The following ARHGAP20 variants were observed in gnomAD, a reference collection of about 807,000 sequenced individuals.
ARHGAP20 encodes the protein rho GTPase-activating protein 20.
Under a neutral mutation model 73.7 loss-of-function variants are expected in ARHGAP20, and 34 were observed. The observed-to-expected ratio is 0.46, with a 90% CI of 0.35 to 0.61. ARHGAP20 has a LOEUF of 0.61. ARHGAP20 is among the 20% of genes least tolerant of loss of function. The pLI, the probability that ARHGAP20 is intolerant of heterozygous loss-of-function variation, is 0.00. For synonymous variants in ARHGAP20, 523 were observed against 518.2 expected, an observed-to-expected ratio of 1.01 and a Z score of -0.13; for missense variants, 1,314 against 1,420.9, an observed-to-expected ratio of 0.92 and a Z score of 1.21.
At chr11:110,642,744 T>G (rs912930166) in intron 2 of ARHGAP20, among the ~76,000 whole-genome samples, 5 of 152,222 alleles carry the variant, frequency 3.3e-5, no homozygotes, top group African/African-American at 7.2e-5. Context: ...GCCTGTAGTT[T>G]TCTTTATTCA....
At chr11:110,658,852 G>C (rs1218665009) in intron 2 of ARHGAP20, among the ~76,000 whole-genome samples, 1 of 152,060 alleles carries the variant, frequency 6.6e-6, no homozygotes, top group Non-Finnish European at 1.5e-5. Context: ...TCCTAAAAAG[G>C]CTTGGAAATT....
chr11:110,659,046 A>G, intron 2 of ARHGAP20, among the ~76,000 whole-genome samples: 1 of 151,534 alleles, frequency 6.6e-6, no homozygotes, highest in Admixed American at 6.6e-5. Flanking sequence ...TTATAGCAGC[A>G]TGATTTATAG....
intron 2 of ARHGAP20, among the ~76,000 whole-genome samples, chr11:110,641,969 G>A (rs1464826763): frequency 6.6e-6 from 1 of 151,976 alleles, no homozygotes; most frequent in Non-Finnish European, 1.5e-5. Flanking sequence ...TTTGTTTATG[G>A]ATTCAACAAT....
chr11:110,707,321 A>G (rs191498552), intron 1 of ARHGAP20, among the ~76,000 whole-genome samples: 1 of 152,306 alleles, frequency 6.6e-6, no homozygotes, highest in East Asian at 1.9e-4. Flanking sequence ...CATTAAAACT[A>G]TTCCGTGAAA....
intron 9 of ARHGAP20, among the ~76,000 whole-genome samples, chr11:110,599,188 A>G (rs1948048843): frequency 6.6e-6 from 1 of 152,074 alleles, no homozygotes; most frequent in African/African-American, 2.4e-5. Flanking sequence ...AGACATAGAC[A>G]TTTCTGTACT....
rs760808520 is a variant in ARHGAP20, at chr11:110,606,736, T to C, written c.789A>G (p.Pro263=). ...GAAGATGGCTCATTTTAATTCCATATGGATATTCATGCCCTACACAGAGAC... is the reference window on the plus strand; with the variant it reads ...GAAGATGGCTCATTTTAATTCCATACGGATATTCATGCCCTACACAGAGAC... ...APYPLIGHEY[P]YGIKMSHLRD... Residue 263 remains proline, a synonymous_variant, in exon 9 of 15, where the codon CCA becomes CCG. Coordinates refer to ENST00000683387, the MANE Select transcript of ARHGAP20 (RefSeq NM_001384657.1). 9.6e-6 allele frequency: 15 copies of C among 1,558,596 alleles called. No individual in the cohort carries two copies. Among genetic ancestry groups the C allele is most frequent in the Admixed American group, 2.0e-5 (1 of 49,004 alleles).
Position 110,704,413 on chromosome 11 carries a change from T to A in ARHGAP20, c.105+7714A>T, listed in dbSNP as rs561448691. 2.6e-5 allele frequency among the ~76,000 whole-genome samples: 4 copies of A among 152,276 alleles called. No homozygotes were observed. The East Asian group carries it at 7.7e-4, about 29-fold the overall frequency. ...AAAAACAAGTTTTACATTTCAGTTG[T>A]GTCATGTGACAGGTGTCTGTCAAAA... is the stretch of plus-strand genomic sequence containing the variant. On this transcript the variant is annotated intron_variant, in intron 1 of 14. Coordinates refer to ENST00000683387, the MANE Select transcript of ARHGAP20 (RefSeq NM_001384657.1).
chr11:110,691,553 C>A (rs1371255559), intron 1 of ARHGAP20, among the ~76,000 whole-genome samples: 1 of 152,284 alleles, frequency 6.6e-6, no homozygotes, highest in Admixed American at 6.5e-5. Flanking sequence ...CCATATAAAA[C>A]TAGGCAGCTC....
At chr11:110,697,391 T>C (rs1233467133) in intron 1 of ARHGAP20, among the ~76,000 whole-genome samples, 2 of 151,954 alleles carry the variant, frequency 1.3e-5, no homozygotes, top group South Asian at 2.1e-4. Flanking sequence ...TTTAGAAATA[T>C]CTGTTCATGT....
chr11:110,690,921 T>A, intron 1 of ARHGAP20: 1 of 1,274,532 alleles, frequency 7.8e-7, no homozygotes, highest in South Asian at 1.4e-5. Flanking sequence ...ATAACCATTA[T>A]TACTGGTTAT....
Position 110,579,368 on chromosome 11 carries a change from G to A in ARHGAP20, c.*2C>T, listed in dbSNP as rs1470527814. On this transcript the variant is annotated 3_prime_UTR_variant, in exon 15 of 15. Coordinates refer to ENST00000683387, the MANE Select transcript of ARHGAP20 (RefSeq NM_001384657.1). ...CTTGTGGACATCAGATTCTTACTAT[G>A]CTTAAATGTCTTTGGTTAAATACCT... The A allele has an allele frequency of 4.4e-6, 7 of 1,582,702 alleles. No individual in the cohort carries two copies. The highest frequency in any genetic ancestry group is 6.0e-6 in the Non-Finnish European group (7 of 1,158,106).
intron 2 of ARHGAP20, among the ~76,000 whole-genome samples, chr11:110,671,328 C>T (rs1949823651): frequency 6.6e-6 from 1 of 151,922 alleles, no homozygotes; most frequent in Non-Finnish European, 1.5e-5. Flanking sequence ...ACCTCACATA[C>T]TGGAATTAAA....
At chr11:110,594,864 C>T (rs1377501113) in intron 9 of ARHGAP20, among the ~76,000 whole-genome samples, 1 of 152,118 alleles carries the variant, frequency 6.6e-6, no homozygotes, top group Non-Finnish European at 1.5e-5. Flanking sequence ...AGACCAACAT[C>T]CTTGATAAAC....
intron 14 of ARHGAP20, among the ~76,000 whole-genome samples, 165 bp downstream of exon 14, chr11:110,582,156 C>T (rs1187833886): frequency 1.3e-5 from 2 of 152,192 alleles, no homozygotes; most frequent in East Asian, 1.9e-4. Context: ...GACCTATTGG[C>T]AGGCCATCTA....
intron 13 of ARHGAP20, among the ~76,000 whole-genome samples, chr11:110,583,313 C>A (rs1318689351): frequency 6.6e-6 from 1 of 152,108 alleles, no homozygotes; most frequent in Non-Finnish European, 1.5e-5. Flanking sequence ...GCTGCTTTAT[C>A]ACTTTATGGT....
At chr11:110,702,873 C>T (rs571772337) in intron 1 of ARHGAP20, among the ~76,000 whole-genome samples, 1 of 151,932 alleles carries the variant, frequency 6.6e-6, no homozygotes, top group Non-Finnish European at 1.5e-5. Flanking sequence ...CACTGCTCAA[C>T]GAAATAAAAG....
chr11:110,589,085 A>C (rs1947752723), intron 11 of ARHGAP20, among the ~76,000 whole-genome samples: 3 of 152,304 alleles, frequency 2.0e-5, no homozygotes, highest in Admixed American at 2.0e-4. Context: ...AAAACAAAAA[A>C]CAAAAAAACA....
chr11:110,615,542 T>C lies in ARHGAP20; in HGVS notation c.545+11A>G. The stretch of plus-strand genomic sequence containing the variant: ...GGTTAAAGATTAAAAATATGAATAC[T>C]GAAAAAATACCTCTGAAGGAGAGAG... On this transcript the variant is annotated intron_variant, in intron 5 of 14. Transcript: ENST00000683387. The C allele has an allele frequency of 6.2e-7, 1 of 1,607,134 alleles. No individual in the cohort carries two copies. Among genetic ancestry groups the C allele is most frequent in the Non-Finnish European group, 8.5e-7 (1 of 1,177,002 alleles).
At chr11:110,640,942 A>C (rs1476763245) in intron 2 of ARHGAP20, among the ~76,000 whole-genome samples, 3 of 152,120 alleles carry the variant, frequency 2.0e-5, no homozygotes, top group African/African-American at 7.2e-5. Flanking sequence ...CATAGTCTGA[A>C]TTATGACTTG....
Sources: gnomAD v4.1 joint callset for allele counts (sites outside exome capture counted in the v4.1 genomes callset) on GRCh38, gnomAD v4.1.1 for gene constraint, MANE v1.5 for transcripts, NCBI Gene and HGNC (gene_info 2026-07-23, HGNC 2026-07-21) for gene names.